RGPD2: variants seen among roughly 807,000 people sequenced by gnomAD.
The protein encoded by RGPD2 is RANBP2-like and GRIP domain-containing protein 2.
Under a neutral mutation model 36.0 loss-of-function variants are expected in RGPD2, and 2 were observed. The ratio of observed to expected loss-of-function variants is 0.06; its 90% CI spans 0.02 to 0.17. The LOEUF (loss-of-function observed/expected upper bound fraction) is 0.17, where lower values mean the gene tolerates loss of function less well. Among genes scored for constraint, RGPD2 ranks in the 10% least tolerant of loss-of-function variants. RGPD2 has a pLI of 1.00. For synonymous variants in RGPD2, 19 were observed against 163.8 expected (o/e 0.12, Z 6.75); for missense variants, 40 against 464.3 (o/e 0.09, Z 8.40).
At chr2:87,781,737 T>C (rs1685419901) in intron 20 of RGPD2, among the ~76,000 whole-genome samples, 1 of 147,492 alleles carries the variant, frequency 6.8e-6, no homozygotes. Context: ...GCTGGCATTC[T>C]AGGAGTGAGC....
the RGPD2 span, among the ~76,000 whole-genome samples, chr2:87,842,670 A>G: frequency 2.0e-5 from 3 of 151,114 alleles, no homozygotes; most frequent in Non-Finnish European, 4.4e-5. Flanking sequence ...CATCCCCATC[A>G]AGCTACCAAT....
At chr2:87,958,647 A>AT in the RGPD2 span, among the ~76,000 whole-genome samples, 4 of 152,392 alleles carry the variant, frequency 2.6e-5, no homozygotes, top group East Asian at 1.9e-4. Context: ...ATTTAAATTA[A>AT]TTTTTTGGTG....
the RGPD2 span, among the ~76,000 whole-genome samples, chr2:87,861,283 G>C: frequency 4.0e-5 from 6 of 151,134 alleles, no homozygotes; most frequent in South Asian, 1.0e-3. Context: ...TAATTGCCTG[G>C]GTTTTATGAA....
chr2:87,805,601 G>GT (rs1294532052), intron 7 of RGPD2, among the ~76,000 whole-genome samples: 1 of 151,076 alleles, frequency 6.6e-6, no homozygotes, highest in African/African-American at 2.4e-5. Context: ...GCTCACGCTT[G>GT]TAAATCCCAG....
At chr2:87,809,149 C>CA (rs1380217435) in intron 6 of RGPD2, among the ~76,000 whole-genome samples, 2 of 149,810 alleles carry the variant, frequency 1.3e-5, no homozygotes, top group South Asian at 2.2e-4. Flanking sequence ...ACTAAAAATA[C>CA]AAAAAATTAG....
At chr2:87,937,657 A>G in the RGPD2 span, among the ~76,000 whole-genome samples, 1 of 151,942 alleles carries the variant, frequency 6.6e-6, no homozygotes, top group Non-Finnish European at 1.5e-5. Context: ...CCATGGCATG[A>G]CCCAAATTCC....
chr2:87,968,895 T>C, the RGPD2 span: 1 of 160,008 alleles, frequency 6.2e-6, no homozygotes, highest in Non-Finnish European at 1.3e-5. Context: ...TGGTATTATG[T>C]TTTCAAAACT....
chr2:87,974,814 C>T, the RGPD2 span, among the ~76,000 whole-genome samples: 219 of 152,322 alleles, frequency 1.4e-3, 3 homozygotes, highest in East Asian at 0.025. Context: ...ACCATATCCA[C>T]AATCCAACCA....
the RGPD2 span, among the ~76,000 whole-genome samples, chr2:87,877,343 G>T: frequency 6.6e-6 from 1 of 150,860 alleles, no homozygotes; most frequent in East Asian, 1.9e-4. Flanking sequence ...TTTGGTAATG[G>T]TTTCCTTTTT....
At chr2:87,877,327 G>A in the RGPD2 span, among the ~76,000 whole-genome samples, 3 of 152,246 alleles carry the variant, frequency 2.0e-5, no homozygotes, top group African/African-American at 4.8e-5. Context: ...GTGTGTTTTT[G>A]TAGTGTTTGG....
intron 1 of RGPD2, among the ~76,000 whole-genome samples, chr2:87,822,012 T>C (rs1046727959): frequency 3.3e-5 from 5 of 151,694 alleles, no homozygotes; most frequent in African/African-American, 1.2e-4. Flanking sequence ...CTGTCGCCCA[T>C]CTTGCACAGT....
chr2:87,897,494 G>T, the RGPD2 span, among the ~76,000 whole-genome samples: 1 of 151,942 alleles, frequency 6.6e-6, no homozygotes, highest in Non-Finnish European at 1.5e-5. Context: ...TAGGTTCCGA[G>T]GTACATGTGC....
the RGPD2 span, among the ~76,000 whole-genome samples, chr2:87,860,934 T>C: frequency 9.2e-5 from 14 of 151,878 alleles, no homozygotes; most frequent in East Asian, 2.7e-3. Flanking sequence ...TTTTCTCTAT[T>C]ATGATCTTGG....
the RGPD2 span, among the ~76,000 whole-genome samples, chr2:87,921,667 T>C: frequency 2.0e-5 from 3 of 152,154 alleles, no homozygotes; most frequent in Admixed American, 6.5e-5. Context: ...CTCATGCACA[T>C]AATGTGAGCC....
the RGPD2 span, among the ~76,000 whole-genome samples, chr2:87,866,641 C>G: frequency 3.9e-5 from 6 of 152,268 alleles, no homozygotes; most frequent in African/African-American, 1.4e-4. Context: ...ATGGTGGCTC[C>G]CCTTCTCACC....
chr2:87,965,135 A>T, the RGPD2 span, among the ~76,000 whole-genome samples: 2 of 134,894 alleles, frequency 1.5e-5, no homozygotes, highest in African/African-American at 2.6e-5. Context: ...TTGTATCTCC[A>T]TTTTCTCTTT....
the RGPD2 span, among the ~76,000 whole-genome samples, chr2:87,937,283 C>T: frequency 6.6e-6 from 1 of 151,656 alleles, no homozygotes; most frequent in East Asian, 1.9e-4. Context: ...GTTTGAATGT[C>T]TAGATGGAGA....
the RGPD2 span, among the ~76,000 whole-genome samples, chr2:87,984,247 C>T: frequency 1.8e-4 from 27 of 152,252 alleles, no homozygotes; most frequent in Non-Finnish European, 1.6e-4. Context: ...TTAAATGATG[C>T]TAGTAAGAAT....
upstream of RGPD2, among the ~76,000 whole-genome samples, chr2:87,826,284 T>TA (rs1445701851): frequency 1.3e-5 from 2 of 149,308 alleles, no homozygotes; most frequent in East Asian, 4.0e-4. Context: ...CCTGTTACTG[T>TA]ATCTGCTCCT....
Sources: gnomAD v4.1 joint callset for allele counts (sites outside exome capture counted in the v4.1 genomes callset) on GRCh38, gnomAD v4.1.1 for gene constraint, MANE v1.5 for transcripts, NCBI Gene and HGNC (gene_info 2026-07-23, HGNC 2026-07-21) for gene names.